The following NFATC1 variants were observed in gnomAD, a reference collection of about 807,000 sequenced individuals.
NFATC1 encodes nuclear factor of activated T cells 1.
A neutral mutation model predicts 76.0 loss-of-function variants in NFATC1; 22 were observed. The ratio of observed to expected loss-of-function variants is 0.29; its 90% CI spans 0.21 to 0.41. The LOEUF (loss-of-function observed/expected upper bound fraction) is 0.41. NFATC1 is among the 10% of genes least tolerant of loss of function. The probability of loss-of-function intolerance (pLI) is 1.00; values close to 1 mark genes in which losing one functional copy is unlikely to be tolerated. For missense variants in NFATC1, 1,357 were observed against 1,337.7 expected, an observed-to-expected ratio of 1.01 and a Z score of -0.23; for synonymous variants, 704 against 613.1, an observed-to-expected ratio of 1.15 and a Z score of -2.19.
chr18:79,512,298 G>T (rs529940924), intron 9 of NFATC1, among the ~76,000 whole-genome samples: 1 of 152,152 alleles, frequency 6.6e-6, no homozygotes, highest in Non-Finnish European at 1.5e-5. Context: ...ACGGAAAAGC[G>T]TCTGACTGCA....
At chr18:79,407,729 G>C (rs975746488) in intron 1 of NFATC1, among the ~76,000 whole-genome samples, 3 of 152,208 alleles carry the variant, frequency 2.0e-5, no homozygotes, top group African/African-American at 7.2e-5. Context: ...ATAGGCGTGA[G>C]CCACCGCGCC....
At chr18:79,509,957 G>A (rs1489071535) in intron 9 of NFATC1, among the ~76,000 whole-genome samples, 3 of 152,220 alleles carry the variant, frequency 2.0e-5, no homozygotes, top group Non-Finnish European at 4.4e-5. Context: ...ACCACTCTTG[G>A]TGCAGCCATA....
chr18:79,444,705 G>A lies in NFATC1; in HGVS notation c.1387-4077G>A, dbSNP rs527411019. Among the ~76,000 whole-genome samples, 593 of 147,144 alleles carry A rather than the reference G, an allele frequency of 4.0e-3. 30 individuals are homozygous for A. The East Asian group carries it at 0.049, about 12-fold the overall frequency. On this transcript the variant is annotated intron_variant, in intron 3 of 9. Transcript: ENST00000427363. ...CGTGCCCGACCCCGCAGACCACACC[G>A]GCACTGCACACACAGGCACCCCCGT...
At chr18:79,473,887 ACACT>A (rs1377016192) in intron 8 of NFATC1, among the ~76,000 whole-genome samples, 21 of 140,630 alleles carry the variant, frequency 1.5e-4, no homozygotes, top group South Asian at 1.4e-3. Context: ...GCGTGTTCTC[ACACT>A]CACTGTCGAC....
At chr18:79,397,290 T>A (rs1295359389) in intron 1 of NFATC1, among the ~76,000 whole-genome samples, 1 of 152,256 alleles carries the variant, frequency 6.6e-6, no homozygotes, top group East Asian at 1.9e-4. Flanking sequence ...TTACCAGCTC[T>A]GAAATATTTT....
rs1204954557 is a variant in NFATC1 at position 79,465,876 on chromosome 18, G to A, written c.1960-1574G>A. Among the ~76,000 whole-genome samples the A allele has an allele frequency of 6.6e-6, 1 of 152,258 alleles. No individual in the cohort carries two copies. Among genetic ancestry groups the A allele is most frequent in the African/African-American group, 2.4e-5 (1 of 41,478 alleles). On this transcript the variant is annotated intron_variant, in intron 7 of 9. Transcript: ENST00000427363. The surrounding 1 kb of genome is among the most constrained non-coding windows in gnomAD (Gnocchi z 4.2). ...GGCCCAGACCCACAGTGCTCTGGGG[G>A]CAGCCCAGGCCCCGCCCACTGACAG...
chr18:79,433,212 A>T (rs1433611219), intron 2 of NFATC1, among the ~76,000 whole-genome samples: 1 of 152,172 alleles, frequency 6.6e-6, no homozygotes, highest in Non-Finnish European at 1.5e-5. Flanking sequence ...CATAGCGAGG[A>T]GAGGTTTGAG....
chr18:79,488,631 T>C (rs914864091), intron 9 of NFATC1, among the ~76,000 whole-genome samples: 6 of 152,228 alleles, frequency 3.9e-5, no homozygotes. Context: ...ATGGGGCCCA[T>C]GTCCCTGCTC....
intron 6 of NFATC1, among the ~76,000 whole-genome samples, chr18:79,453,247 C>T (rs181825343): frequency 1.3e-5 from 2 of 152,230 alleles, no homozygotes; most frequent in Admixed American, 6.5e-5. Flanking sequence ...CTCCCAGCTT[C>T]TGCTTTTCAA....
chr18:79,498,684 C>T (rs2089952025), intron 9 of NFATC1, among the ~76,000 whole-genome samples: 1 of 152,120 alleles, frequency 6.6e-6, no homozygotes, highest in African/African-American at 2.4e-5. Flanking sequence ...TCACAAAATT[C>T]AAATGGGATA....
At chr18:79,498,318 T>TA (rs2089942103) in intron 9 of NFATC1, 1 of 150,764 alleles carries the variant, frequency 6.6e-6, no homozygotes, top group Non-Finnish European at 1.5e-5. Context: ...AAATATATCT[T>TA]ACCAGATAGA....
At chr18:79,474,007 C>CA (rs890658846) in intron 8 of NFATC1, among the ~76,000 whole-genome samples, 1 of 141,220 alleles carries the variant, frequency 7.1e-6, no homozygotes, top group Non-Finnish European at 1.5e-5. Context: ...TTTTCACACT[C>CA]ACTGTCGACG....
At chr18:79,411,699 C>T (rs1245592339) in intron 2 of NFATC1, among the ~76,000 whole-genome samples, 198 bp downstream of exon 2, 2 of 152,182 alleles carry the variant, frequency 1.3e-5, no homozygotes, top group African/African-American at 4.8e-5. Flanking sequence ...CAGACTTTTC[C>T]TTGTGCGCCT....
chr18:79,509,085 C>T lies in NFATC1; in HGVS notation c.2783-18443C>T, dbSNP rs774348922. On this transcript the variant is annotated intron_variant, in intron 9 of 9. Coordinates refer to ENST00000427363, the MANE Select transcript of NFATC1 (RefSeq NM_001278669.2). ...GGAGAACTAGAGCATTGGAGAGACC[C>T]GCATGGAAGGAAACGCCATTGCTGG... Among the ~76,000 whole-genome samples the T allele has an allele frequency of 6.6e-4, 101 of 152,310 alleles. 1 individual carries two copies. Among genetic ancestry groups the T allele is most frequent in the Non-Finnish European group, 1.2e-3 (85 of 68,034 alleles).
rs532938128 is a variant in NFATC1, at chr18:79,524,958, C to G, written c.2783-2570C>G. 7.2e-5 allele frequency among the ~76,000 whole-genome samples: 11 copies of G among 152,094 alleles called. No homozygotes were observed. The South Asian group carries it at 2.3e-3, about 32-fold the overall frequency. Reference sequence around the variant, plus strand: ...TGGAGACCTCAGACGCCGTCCCCACCCTGTCACTGTCACCATCACCCATCC... The same window carrying G: ...TGGAGACCTCAGACGCCGTCCCCACGCTGTCACTGTCACCATCACCCATCC... On this transcript the variant is annotated intron_variant, in intron 9 of 9. Transcript: ENST00000427363. This position sits in a 1 kb window ranked among gnomAD's most constrained non-coding sequence, Gnocchi z 7.2.
intron 2 of NFATC1, among the ~76,000 whole-genome samples, chr18:79,416,306 G>A (rs928252346): frequency 2.0e-5 from 3 of 152,192 alleles, no homozygotes; most frequent in Non-Finnish European, 2.9e-5. Context: ...TCGCAGACAC[G>A]AGTCCTCTGC....
intron 8 of NFATC1, among the ~76,000 whole-genome samples, chr18:79,475,419 G>T (rs1268004936): frequency 8.6e-6 from 1 of 116,444 alleles, no homozygotes; most frequent in Non-Finnish European, 2.0e-5. Context: ...CGTCGACGTT[G>T]TAAACCCGAG....
chr18:79,400,702 G>A (rs1358254975), intron 1 of NFATC1, among the ~76,000 whole-genome samples: 36 of 151,596 alleles, frequency 2.4e-4, no homozygotes, highest in Non-Finnish European at 4.7e-4. Context: ...AGCGCAGCCC[G>A]GACACGGGCG....
intron 9 of NFATC1, among the ~76,000 whole-genome samples, chr18:79,509,059 C>T (rs576682426): frequency 6.6e-6 from 1 of 152,320 alleles, no homozygotes; most frequent in South Asian, 2.1e-4. Context: ...ACGGAGAAAG[C>T]GGAGAACTAG....
Sources: allele counts gnomAD v4.1 joint callset (sites outside exome capture counted in the v4.1 genomes callset), GRCh38; gene constraint gnomAD v4.1.1; non-coding constraint Gnocchi (gnomAD v3.1); transcripts MANE v1.5; gene names NCBI Gene and HGNC (gene_info 2026-07-23, HGNC 2026-07-21).